Variants in TEX36 observed in about 807,000 individuals in gnomAD.
TEX36 encodes testis-expressed protein 36.
A neutral mutation model predicts 13.6 loss-of-function variants in TEX36; 12 were observed. The ratio of observed to expected loss-of-function variants is 0.88; its 90% CI spans 0.56 to 1.43. The LOEUF (loss-of-function observed/expected upper bound fraction) is 1.43. Among genes scored for constraint, TEX36 ranks in the 40% most tolerant of loss-of-function variants. TEX36 has a pLI of 0.00. For missense variants in TEX36, 224 were observed against 228.3 expected, an observed-to-expected ratio of 0.98 and a Z score of 0.12; for synonymous variants, 93 against 83.0, an observed-to-expected ratio of 1.12 and a Z score of -0.65.
rs146654224 is a variant in TEX36 at position 125,591,992 on chromosome 10, G to A, written c.265-15118C>T. On this transcript the variant is annotated intron_variant, in intron 3 of 3. Coordinates refer to the TEX36 transcript ENST00000532135. ...GTCCTAACAAATGATTGTCCTGCAC[G>A]ATAGAACTGCAAATAAAACTCTACA... 4.3e-3 allele frequency among the ~76,000 whole-genome samples: 659 copies of A among 152,272 alleles called. 4 individuals carry two copies. The highest frequency in any genetic ancestry group is 0.015 in the African/African-American group (632 of 41,556).
intron 3 of TEX36, among the ~76,000 whole-genome samples, chr10:125,603,241 G>T (rs898509498): frequency 4.6e-5 from 7 of 152,204 alleles, no homozygotes; most frequent in African/African-American, 1.4e-4. Context: ...GGAAGGGATG[G>T]TTCCCTTACC....
At chr10:125,588,418 G>C (rs569903977) in intron 3 of TEX36, among the ~76,000 whole-genome samples, 1 of 152,318 alleles carries the variant, frequency 6.6e-6, no homozygotes, top group Admixed American at 6.5e-5. Flanking sequence ...ATAAAGTCAA[G>C]AGGTTGAATT....
chr10:125,647,351 G>C (rs1411223716), intron 3 of TEX36, among the ~76,000 whole-genome samples: 1 of 152,178 alleles, frequency 6.6e-6, no homozygotes, highest in Admixed American at 6.5e-5. Context: ...TTTATATGAT[G>C]TGTACCACAC....
chr10:125,600,784 CT>C, intron 3 of TEX36, among the ~76,000 whole-genome samples: 2 of 152,170 alleles, frequency 1.3e-5, no homozygotes, highest in African/African-American at 4.8e-5. Context: ...ACCTGAAAGC[CT>C]CTTGGCATCT....
chr10:125,653,043 T>A (rs1213769609), downstream of TEX36, among the ~76,000 whole-genome samples: 3 of 152,244 alleles, frequency 2.0e-5, no homozygotes, highest in African/African-American at 4.8e-5. Flanking sequence ...TTGGTGGGAC[T>A]GTAAACTAGT....
intron 3 of TEX36, among the ~76,000 whole-genome samples, chr10:125,624,864 T>A (rs1013078190): frequency 2.6e-5 from 4 of 152,102 alleles, no homozygotes; most frequent in African/African-American, 9.7e-5. Context: ...ACAAGCCATC[T>A]TTTTGCATAA....
At chr10:125,676,178 T>C (rs1258535555) in intron 1 of TEX36, among the ~76,000 whole-genome samples, 1 of 152,244 alleles carries the variant, frequency 6.6e-6, no homozygotes, top group Non-Finnish European at 1.5e-5. Flanking sequence ...GTTGAGTTAC[T>C]GTCTAGATTG....
At chr10:125,590,694 G>T (rs188211707) in intron 3 of TEX36, among the ~76,000 whole-genome samples, 3 of 152,122 alleles carry the variant, frequency 2.0e-5, no homozygotes, top group East Asian at 3.9e-4. Flanking sequence ...TTATGAAAAC[G>T]CATTGGAAAA....
intron 3 of TEX36, among the ~76,000 whole-genome samples, chr10:125,639,724 A>C (rs1180796031): frequency 6.6e-6 from 1 of 152,240 alleles, no homozygotes; most frequent in African/African-American, 2.4e-5. Context: ...TCGTTGATTG[A>C]AGTTATCCAA....
At chr10:125,652,266 ATGGTAC>A, downstream of TEX36, among the ~76,000 whole-genome samples, 1 of 152,330 alleles carries the variant, frequency 6.6e-6, no homozygotes, top group Non-Finnish European at 1.5e-5. Flanking sequence ...CCAAAACAGC[ATGGTAC>A]TGGTACCAAA....
chr10:125,577,018 C>T (rs902352964), intron 3 of TEX36: 25 of 1,117,222 alleles, frequency 2.2e-5, no homozygotes, highest in Admixed American at 4.5e-5. Flanking sequence ...GAGACTTAGC[C>T]TGAGCCCTAG....
intron 1 of TEX36, among the ~76,000 whole-genome samples, chr10:125,679,194 C>A (rs1847358378): frequency 6.7e-6 from 1 of 148,390 alleles, no homozygotes; most frequent in African/African-American, 2.5e-5. Context: ...TTGTGCCTCG[C>A]TCACACCCCA....
chr10:125,624,316 C>T (rs533928523), intron 3 of TEX36, among the ~76,000 whole-genome samples: 3 of 152,150 alleles, frequency 2.0e-5, no homozygotes, highest in Admixed American at 6.5e-5. Flanking sequence ...TCTCTGAGCT[C>T]GGGGCAGGTG....
chr10:125,587,552 C>A (rs541746490), intron 3 of TEX36, among the ~76,000 whole-genome samples: 1 of 152,180 alleles, frequency 6.6e-6, no homozygotes, highest in South Asian at 2.1e-4. Context: ...CTTTGGAGGC[C>A]GAGGTTGGCA....
At chr10:125,642,767 C>G (rs1036371384) in intron 3 of TEX36, among the ~76,000 whole-genome samples, 1 of 152,192 alleles carries the variant, frequency 6.6e-6, no homozygotes, top group Non-Finnish European at 1.5e-5. Flanking sequence ...TACTAATTCC[C>G]TATTTCAACA....
At chr10:125,641,644 T>G (rs900136136) in intron 3 of TEX36, among the ~76,000 whole-genome samples, 5 of 152,350 alleles carry the variant, frequency 3.3e-5, no homozygotes, top group African/African-American at 1.2e-4. Flanking sequence ...AACACCTTCA[T>G]GTATTTGATG....
intron 3 of TEX36, among the ~76,000 whole-genome samples, chr10:125,585,829 G>T (rs1344568927): frequency 6.6e-6 from 1 of 152,210 alleles, no homozygotes; most frequent in Non-Finnish European, 1.5e-5. Context: ...AGGCTCCCAT[G>T]TCACATAAAA....
At chr10:125,658,618 C>T (rs1175723457) in intron 3 of TEX36, among the ~76,000 whole-genome samples, 1 of 151,986 alleles carries the variant, frequency 6.6e-6, no homozygotes, top group Admixed American at 6.6e-5. Context: ...TAATCACACA[C>T]AAGACAACAA....
chr10:125,667,479 T>G (rs1009958264), intron 1 of TEX36: 1 of 721,160 alleles, frequency 1.4e-6, no homozygotes, highest in South Asian at 1.4e-5. Context: ...GCTGAGGGGG[T>G]GTGTTCCCCA....
Sources: gnomAD v4.1 joint callset for allele counts (sites outside exome capture counted in the v4.1 genomes callset) on GRCh38, gnomAD v4.1.1 for gene constraint, MANE v1.5 for transcripts, NCBI Gene and HGNC (gene_info 2026-07-23, HGNC 2026-07-21) for gene names.